Variants in CACNA2D3 observed in about 807,000 individuals in gnomAD.
CACNA2D3 encodes the protein calcium voltage-gated channel auxiliary subunit alpha2delta 3.
A neutral mutation model predicts 160.6 loss-of-function variants in CACNA2D3; 60 were observed. The ratio of observed to expected loss-of-function variants is 0.37; its 90% CI spans 0.30 to 0.46. The LOEUF (loss-of-function observed/expected upper bound fraction) is 0.46. Among genes scored for constraint, CACNA2D3 ranks in the 20% least tolerant of loss-of-function variants. CACNA2D3 has a pLI of 1.00. For synonymous variants in CACNA2D3, 558 were observed against 492.9 expected (o/e 1.13, Z -1.75); for missense variants, 1,205 against 1,365.0 (o/e 0.88, Z 1.85).
At chr3:54,182,659 G>A (rs1003383348) in intron 2 of CACNA2D3, among the ~76,000 whole-genome samples, 8 of 152,122 alleles carry the variant, frequency 5.3e-5, no homozygotes, top group African/African-American at 1.9e-4. Context: ...CAGTTAATTT[G>A]GTTGGGTTTT....
At chr3:54,436,008 T>C (rs1700053868) in intron 4 of CACNA2D3, among the ~76,000 whole-genome samples, 1 of 152,098 alleles carries the variant, frequency 6.6e-6, no homozygotes, top group Admixed American at 6.5e-5. Context: ...TCAGTGAAAT[T>C]GAGAACAGAT....
chr3:54,150,581 G>A (rs1249172880), intron 2 of CACNA2D3, among the ~76,000 whole-genome samples: 1 of 152,052 alleles, frequency 6.6e-6, no homozygotes, highest in Non-Finnish European at 1.5e-5. Flanking sequence ...CTTGGGACAT[G>A]GTAAATCCTC....
At chr3:54,139,785 T>C (rs969704298) in intron 2 of CACNA2D3, among the ~76,000 whole-genome samples, 2 of 152,014 alleles carry the variant, frequency 1.3e-5, no homozygotes, top group African/African-American at 4.8e-5. Context: ...ATTCAACAAG[T>C]GTGGTGTGTT....
At chr3:54,899,949 C>T (rs1184165323) in intron 27 of CACNA2D3, 81 bp downstream of exon 27, 16 of 950,434 alleles carry the variant, frequency 1.7e-5, no homozygotes, top group East Asian at 1.3e-4. Flanking sequence ...CTGTGAGGCA[C>T]GCTTATCCTC....
chr3:54,229,477 G>C (rs1445998307), intron 2 of CACNA2D3, among the ~76,000 whole-genome samples: 1 of 152,150 alleles, frequency 6.6e-6, no homozygotes, highest in African/African-American at 2.4e-5. Context: ...ACAGGCGTGA[G>C]CCACCGTGCC....
intron 29 of CACNA2D3, among the ~76,000 whole-genome samples, chr3:54,981,909 A>C (rs1575420672): frequency 6.6e-6 from 1 of 152,270 alleles, no homozygotes; most frequent in African/African-American, 2.4e-5. Flanking sequence ...AAAAGATAAG[A>C]AAGGTAAAGG....
intron 3 of CACNA2D3, among the ~76,000 whole-genome samples, chr3:54,350,993 T>TTTG (rs1698552745): frequency 8.5e-6 from 1 of 117,996 alleles, no homozygotes; most frequent in Non-Finnish European, 1.8e-5. Flanking sequence ...TTTGTTTTTT[T>TTTG]TTTTTTTTTT....
chr3:54,394,520 C>A (rs1272624196), intron 4 of CACNA2D3, among the ~76,000 whole-genome samples: 1 of 127,242 alleles, frequency 7.9e-6, no homozygotes, highest in South Asian at 2.7e-4. Flanking sequence ...CTTCCTGTGT[C>A]CATGTGATCT....
chr3:54,233,888 C>A (rs9878815), intron 2 of CACNA2D3, among the ~76,000 whole-genome samples: 65,276 of 151,952 alleles, frequency 0.43, 15,420 homozygotes, highest in African/African-American at 0.61. Context: ...TCAACAATAA[C>A]ACCAAATAAG....
At chr3:54,500,896 T>G (rs1365784060) in intron 4 of CACNA2D3, among the ~76,000 whole-genome samples, 1 of 152,218 alleles carries the variant, frequency 6.6e-6, no homozygotes, top group Non-Finnish European at 1.5e-5. Context: ...CTTCTTAATT[T>G]ATAAAGAAAA....
Position 54,849,135 on chromosome 3 carries a change from C to T in CACNA2D3, c.1626+2668C>T, listed in dbSNP as rs563804673. ...ACCATCAGTTTTCTTTTTGGTTCTA[C>T]GGCAAGCTTGGCCAACTGTGGTCTA... On this transcript the variant is annotated intron_variant, in intron 17 of 37. Transcript: ENST00000474759. Among the ~76,000 whole-genome samples the T allele has an allele frequency of 3.9e-5, 6 of 152,262 alleles. No individual in the cohort carries two copies. In the South Asian group the frequency reaches 6.2e-4, roughly 16 times the overall value.
intron 11 of CACNA2D3, among the ~76,000 whole-genome samples, chr3:54,658,569 A>C (rs67558528): frequency 0.14 from 21,894 of 152,176 alleles, 1,799 homozygotes; most frequent in African/African-American, 0.23. Flanking sequence ...TGGAAATTAA[A>C]CCCGTATCAG....
chr3:54,690,663 G>C (rs1369445796), intron 11 of CACNA2D3, among the ~76,000 whole-genome samples: 1 of 152,146 alleles, frequency 6.6e-6, no homozygotes, highest in Non-Finnish European at 1.5e-5. Context: ...CCTGTGATTT[G>C]ATAACAGAAT....
At chr3:54,298,228 C>G (rs778570443) in intron 2 of CACNA2D3, among the ~76,000 whole-genome samples, 1 of 152,046 alleles carries the variant, frequency 6.6e-6, no homozygotes, top group Non-Finnish European at 1.5e-5. Context: ...AAAGACGGAC[C>G]TCTACACGAA....
chr3:54,798,274 C>T (rs890675351), intron 13 of CACNA2D3, among the ~76,000 whole-genome samples: 3 of 152,092 alleles, frequency 2.0e-5, no homozygotes, highest in Admixed American at 2.0e-4. Context: ...GTGGCCCACA[C>T]CTGTAATCCC....
intron 17 of CACNA2D3, among the ~76,000 whole-genome samples, chr3:54,870,511 C>G (rs191318530): frequency 1.8e-4 from 27 of 152,250 alleles, no homozygotes; most frequent in African/African-American, 5.8e-4. Context: ...TAATCCTTAG[C>G]CTGCAGCAGA....
chr3:54,491,155 C>T (rs1315236926), intron 4 of CACNA2D3, among the ~76,000 whole-genome samples: 1 of 152,186 alleles, frequency 6.6e-6, no homozygotes, highest in African/African-American at 2.4e-5. Flanking sequence ...TGTTCTAGAT[C>T]TTTCCGCCAG....
At chr3:54,777,394 A>G (rs1702444595) in intron 13 of CACNA2D3, among the ~76,000 whole-genome samples, 1 of 152,224 alleles carries the variant, frequency 6.6e-6, no homozygotes, top group African/African-American at 2.4e-5. Flanking sequence ...TGCTCTTATT[A>G]GACGTACAGA....
intron 32 of CACNA2D3, among the ~76,000 whole-genome samples, chr3:55,005,108 T>G (rs1054073460): frequency 1.3e-5 from 2 of 151,940 alleles, no homozygotes; most frequent in Admixed American, 6.6e-5. Context: ...AAACCCTGTC[T>G]CTACTAAAAA....
Sources: allele counts gnomAD v4.1 joint callset (sites outside exome capture counted in the v4.1 genomes callset), GRCh38; gene constraint gnomAD v4.1.1; transcripts MANE v1.5; gene names NCBI Gene and HGNC (gene_info 2026-07-23, HGNC 2026-07-21).